Variants in PREX1 observed in about 807,000 individuals in gnomAD.
PREX1 encodes phosphatidylinositol-3,4,5-trisphosphate dependent Rac exchange factor 1.
Under a neutral mutation model 198.3 loss-of-function variants are expected in PREX1, and 41 were observed. The ratio of observed to expected loss-of-function variants is 0.21; its 90% CI spans 0.16 to 0.27. The LOEUF (loss-of-function observed/expected upper bound fraction) is 0.27, where lower values mean the gene tolerates loss of function less well. Among genes scored for constraint, PREX1 ranks in the 10% least tolerant of loss-of-function variants. The pLI, the probability that PREX1 is intolerant of heterozygous loss-of-function variation, is 1.00. For synonymous variants in PREX1, 843 were observed against 887.2 expected (o/e 0.95, Z 0.89); for missense variants, 1,620 against 2,200.7 (o/e 0.74, Z 5.28).
chr20:48,632,395 G>C lies in PREX1; in HGVS notation c.4412-4C>G, dbSNP rs2089321764. ...AGCCCCTCCACGTTCTCCAGCACTG[G>C]GAGGGGAGATGTCGGGGGCGGGCAG... On this transcript the variant is annotated splice_polypyrimidine_tract_variant and splice_region_variant and intron_variant, in intron 34 of 39. Transcript: ENST00000371941. The C allele has an allele frequency of 1.2e-6, 2 of 1,613,728 alleles. No homozygotes were observed. Among genetic ancestry groups the C allele is most frequent in the African/African-American group, 2.7e-5 (2 of 75,072 alleles).
At chr20:48,672,319 G>A (rs960097609) in intron 14 of PREX1, among the ~76,000 whole-genome samples, 1 of 152,118 alleles carries the variant, frequency 6.6e-6, no homozygotes, top group Non-Finnish European at 1.5e-5. Context: ...AACCTATTAG[G>A]TCCACCTTCA....
chr20:48,740,186 C>T (rs2090074683), intron 3 of PREX1, among the ~76,000 whole-genome samples: 5 of 152,106 alleles, frequency 3.3e-5, no homozygotes, highest in Admixed American at 2.6e-4. Flanking sequence ...AAAATGTTTC[C>T]AAGCAGGGAG....
At chr20:48,705,566 G>A (rs1344661407) in intron 6 of PREX1, among the ~76,000 whole-genome samples, 1 of 152,202 alleles carries the variant, frequency 6.6e-6, no homozygotes, top group East Asian at 1.9e-4. Flanking sequence ...AAATAAAGAT[G>A]TGCAATCGCA....
At chr20:48,744,033 T>TGATGATGA (rs1555840409) in intron 3 of PREX1, among the ~76,000 whole-genome samples, 13 of 140,746 alleles carry the variant, frequency 9.2e-5, no homozygotes, top group Middle Eastern at 3.9e-3. Flanking sequence ...ATGATGATGA[T>TGATGATGA]GAGTTAACAG....
intron 1 of PREX1, among the ~76,000 whole-genome samples, chr20:48,749,334 T>A (rs569009036): frequency 6.6e-6 from 1 of 152,102 alleles, no homozygotes; most frequent in Non-Finnish European, 1.5e-5. Flanking sequence ...GGATGACAGA[T>A]TGGGGGTCCA....
intron 3 of PREX1, among the ~76,000 whole-genome samples, chr20:48,740,108 G>C (rs894042669): frequency 6.6e-6 from 1 of 152,316 alleles, no homozygotes. Flanking sequence ...CTCTCCTGGA[G>C]AGCCTGTCTG....
the PREX1 span, among the ~76,000 whole-genome samples, chr20:48,840,880 TG>T: frequency 6.6e-6 from 1 of 152,014 alleles, no homozygotes; most frequent in Non-Finnish European, 1.5e-5. Flanking sequence ...TGGAGTGCAG[TG>T]GCATGATCAT....
chr20:48,755,419 T>C (rs1181334043), intron 1 of PREX1, among the ~76,000 whole-genome samples: 1 of 152,228 alleles, frequency 6.6e-6, no homozygotes, highest in Non-Finnish European at 1.5e-5. Context: ...CCAGCATCCC[T>C]TGCAGCTAGG....
Position 48,636,567 on chromosome 20 carries a change from C to G in PREX1, c.4063G>C (p.Glu1355Gln), listed in dbSNP as rs1484694736. The stretch of plus-strand genomic sequence containing the variant: ...GCGTCGCGGCTGCTCTCCTCGTACT[C>G]GCCATTGTTGTTGTAGCGGTAGCCC... The part of the protein sequence containing the change: ...ALGYRYNNNG[E>Q]YEESSRDASR... Residue 1355 changes from glutamate (E) to glutamine (Q), a missense_variant, in exon 32 of 40, where the codon GAG (glutamate) becomes CAG (glutamine). This residue lies in a region of PREX1 where 476 missense variants were observed against 603.4 expected (regional missense o/e 0.79). Transcript: ENST00000371941. 6.2e-7 allele frequency: 1 copy of G among 1,611,942 alleles called. No homozygotes were observed. The highest frequency in any genetic ancestry group is 2.2e-5 in the East Asian group (1 of 44,864).
chr20:48,811,497 C>T lies in PREX1; in HGVS notation c.219+16145G>A, dbSNP rs967785149. 5.3e-5 allele frequency among the ~76,000 whole-genome samples: 8 copies of T among 152,070 alleles called. No individual in the cohort carries two copies. The East Asian group carries it at 5.8e-4, about 11-fold the overall frequency. On this transcript the variant is annotated intron_variant, in intron 1 of 39. Coordinates refer to ENST00000371941, the MANE Select transcript of PREX1 (RefSeq NM_020820.4). ...CAAGGCCTGGCCCACAGCAAGGGTA[C>T]GATCAATGACTTCTGACCAGAGTTG...
chr20:48,679,798 G>A (rs759372405), intron 11 of PREX1, 44 bp from the exon 12 acceptor site: 15 of 1,475,922 alleles, frequency 1.0e-5, no homozygotes, highest in Non-Finnish European at 1.2e-5. Context: ...CGCCCCCTCA[G>A]CCCCTCCCAG....
chr20:48,832,155 A>AG (rs2090538583), upstream of PREX1, among the ~76,000 whole-genome samples: 1 of 151,050 alleles, frequency 6.6e-6, no homozygotes, highest in African/African-American at 2.4e-5. Context: ...AAAAAAAGTG[A>AG]TGATAATGAT....
intron 29 of PREX1, among the ~76,000 whole-genome samples, chr20:48,641,026 T>C (rs148176154): frequency 1.3e-5 from 2 of 151,216 alleles, no homozygotes; most frequent in Non-Finnish European, 3.0e-5. Flanking sequence ...AGTGGATGGA[T>C]AGATGGGTGG....
At chr20:48,681,403 G>T in intron 10 of PREX1, 68 bp from the exon 11 acceptor site, 1 of 1,484,044 alleles carries the variant, frequency 6.7e-7, no homozygotes, top group Non-Finnish European at 9.4e-7. Flanking sequence ...TCAGCACTAA[G>T]CTGGCCTGGC....
At chr20:48,686,289 G>A (rs986289402) in intron 10 of PREX1, among the ~76,000 whole-genome samples, 13 of 152,202 alleles carry the variant, frequency 8.5e-5, no homozygotes, top group South Asian at 2.1e-4. Flanking sequence ...GGACCCTGGC[G>A]GGGGTAGCAG....
chr20:48,740,958 T>C (rs148007756), intron 3 of PREX1, among the ~76,000 whole-genome samples: 103 of 152,366 alleles, frequency 6.8e-4, no homozygotes, highest in Non-Finnish European at 1.1e-3. Flanking sequence ...TTTTCAATGA[T>C]GATGCAAATT....
chr20:48,625,737 G>A lies in PREX1; in HGVS notation c.*148C>T, dbSNP rs141429841. The stretch of plus-strand genomic sequence containing the variant: ...CAGCGAGGGTGGCCAGGCTTGTCCC[G>A]GAAGGAGGCAGGGAGGACGCTGGGC... On this transcript the variant is annotated 3_prime_UTR_variant, in exon 40 of 40. Transcript: ENST00000371941. 230 of 994,716 alleles carry A rather than the reference G, an allele frequency of 2.3e-4. No individual in the cohort carries two copies. In the African/African-American group the frequency reaches 3.5e-3, roughly 15 times the overall value. The allele number at this position is 994,716 out of a possible 1,614,324, so 61.6% of individuals were successfully genotyped here. A position where few individuals can be genotyped will look rare whatever the true frequency, so the allele number is the denominator to read the frequency against.
chr20:48,640,840 A>ATGG (rs2089404000), intron 29 of PREX1, among the ~76,000 whole-genome samples: 1 of 132,204 alleles, frequency 7.6e-6, no homozygotes, highest in African/African-American at 2.8e-5. Context: ...GACAGACAAG[A>ATGG]AGATGGATGG....
At chr20:48,719,768 T>C (rs143011058) in intron 5 of PREX1, among the ~76,000 whole-genome samples, 4 of 152,256 alleles carry the variant, frequency 2.6e-5, no homozygotes, top group African/African-American at 9.6e-5. Context: ...CCCGAACCAC[T>C]GAAGCCAAGC....
Sources: gnomAD v4.1 joint callset for allele counts (sites outside exome capture counted in the v4.1 genomes callset) on GRCh38, gnomAD v4.1.1 for gene constraint, gnomAD v4.1.1 regional missense constraint, MANE v1.5 for transcripts, NCBI Gene and HGNC (gene_info 2026-07-23, HGNC 2026-07-21) for gene names.